CHAF1B: variants seen among roughly 807,000 people sequenced by gnomAD.
CHAF1B encodes CAF-1 subunit B.
CHAF1B carries 10 observed loss-of-function variants against 60.7 expected under a neutral mutation model. The observed-to-expected ratio is 0.16, with a 90% CI of 0.10 to 0.28. The LOEUF (loss-of-function observed/expected upper bound fraction) is 0.28. Among genes scored for constraint, CHAF1B ranks in the 10% least tolerant of loss-of-function variants. The pLI, the probability that CHAF1B is intolerant of heterozygous loss-of-function variation, is 1.00. For synonymous variants in CHAF1B, 261 were observed against 266.1 expected (o/e 0.98, Z 0.19); for missense variants, 558 against 708.4 (o/e 0.79, Z 2.41).
At chr21:36,386,384 A>G in intron 2 of CHAF1B, 122 bp downstream of exon 2, 2 of 1,251,098 alleles carry the variant, frequency 1.6e-6, no homozygotes, top group South Asian at 2.9e-5. Flanking sequence ...GTGCTTTGGG[A>G]GGCTGAGGTG....
At position 36,386,220 on chromosome 21, in the gene CHAF1B, G is replaced by A; in HGVS notation, c.84G>A (p.Arg28=). The change falls in exon 2 of 14, where the codon AGG becomes AGA. Residue 28 remains arginine (R), a synonymous_variant. Coordinates refer to ENST00000314103, the MANE Select transcript of CHAF1B (RefSeq NM_005441.3). The part of the protein sequence containing the change: ...SLDFQHGTAG[R]IHRLASAGVD... ...ACTTCCAGCATGGGACGGCTGGGAG[G>A]ATCCACAGACTGGCGTCTGCCGGCG... The A allele has an allele frequency of 6.2e-7, 1 of 1,614,202 alleles. No individual in the cohort carries two copies. Among genetic ancestry groups the A allele is most frequent in the Admixed American group, 1.7e-5 (1 of 60,022 alleles).
At chr21:36,406,282 A>G (rs890603302) in intron 8 of CHAF1B, among the ~76,000 whole-genome samples, 3 of 152,166 alleles carry the variant, frequency 2.0e-5, no homozygotes, top group African/African-American at 7.2e-5. Flanking sequence ...GAGATTGGAC[A>G]AAGACCTATT....
chr21:36,386,124 G>C lies in CHAF1B; in HGVS notation c.-13G>C. 1.2e-6 allele frequency: 2 copies of C among 1,613,632 alleles called. No homozygotes were observed. The highest frequency in any genetic ancestry group is 2.2e-5 in the South Asian group (2 of 90,992). On this transcript the variant is annotated 5_prime_UTR_variant, in exon 2 of 14. Transcript: ENST00000314103. ...TGCCCGAGAAACGTTTTTCCCCTTC[G>C]AGACTCAGGAGGATGAAAGTCATCA...
At chr21:36,400,026 A>G (rs1441131578) in intron 7 of CHAF1B, among the ~76,000 whole-genome samples, 6 of 151,904 alleles carry the variant, frequency 3.9e-5, no homozygotes, top group Non-Finnish European at 8.8e-5. Context: ...GAATTGCAAA[A>G]ATTAGCCAGC....
chr21:36,396,653 C>CAA (rs144697615), intron 5 of CHAF1B, among the ~76,000 whole-genome samples: 6 of 135,502 alleles, frequency 4.4e-5, no homozygotes, highest in African/African-American at 1.4e-4. Flanking sequence ...CACCCTGTCT[C>CAA]AAAAAAAAAA....
intron 7 of CHAF1B, among the ~76,000 whole-genome samples, chr21:36,399,857 A>G (rs1032437825): frequency 6.6e-6 from 1 of 152,158 alleles, no homozygotes; most frequent in South Asian, 2.1e-4. Context: ...CCCTGGTTGC[A>G]CGGTGGAATC....
intron 12 of CHAF1B, 49 bp downstream of exon 12, chr21:36,413,364 G>A (rs765219296): frequency 1.3e-6 from 2 of 1,500,648 alleles, no homozygotes; most frequent in Non-Finnish European, 1.8e-6. Flanking sequence ...AACACAAAAT[G>A]CAGACAGAAC....
intron 12 of CHAF1B, among the ~76,000 whole-genome samples, chr21:36,414,128 C>G (rs1331224468): frequency 2.6e-5 from 4 of 152,232 alleles, no homozygotes; most frequent in Non-Finnish European, 5.9e-5. Flanking sequence ...CTTCTGCCGT[C>G]AGGCAGCACA....
At chr21:36,411,665 AC>A (rs1644727083) in intron 11 of CHAF1B, 61 bp downstream of exon 11, 2 of 1,583,426 alleles carry the variant, frequency 1.3e-6, no homozygotes, top group Admixed American at 1.7e-5. Context: ...CCTGGAAGAC[AC>A]CCCGGGGTTA....
At chr21:36,393,746 G>A (rs563433907) in intron 4 of CHAF1B, among the ~76,000 whole-genome samples, 3 of 151,826 alleles carry the variant, frequency 2.0e-5, no homozygotes, top group East Asian at 1.9e-4. Flanking sequence ...GAGCCACTGC[G>A]ACCGGTCAGA....
intron 4 of CHAF1B, among the ~76,000 whole-genome samples, chr21:36,393,812 A>G (rs1425021663): frequency 6.6e-6 from 1 of 152,132 alleles, no homozygotes; most frequent in African/African-American, 2.4e-5. Context: ...GTGCCAGTGG[A>G]AATTTTGGAA....
chr21:36,387,820 CTTTTTT>C, intron 3 of CHAF1B, 90 bp downstream of exon 3: 2 of 1,124,710 alleles, frequency 1.8e-6, no homozygotes, highest in Non-Finnish European at 1.2e-6. Flanking sequence ...GCTGGATATG[CTTTTTT>C]TTTTTTTTTG....
At chr21:36,408,884 C>T (rs528044901) in intron 9 of CHAF1B, 54 bp downstream of exon 9, 9 of 1,320,056 alleles carry the variant, frequency 6.8e-6, no homozygotes, top group Admixed American at 1.7e-5. Context: ...GACGGAGTTT[C>T]GCTCTTGTTG....
Position 36,391,589 on chromosome 21 carries a change from G to C in CHAF1B, c.298G>C (p.Glu100Gln). The C allele has an allele frequency of 1.2e-6, 2 of 1,613,614 alleles. No individual in the cohort carries two copies. Among genetic ancestry groups the C allele is most frequent in the Non-Finnish European group, 1.7e-6 (2 of 1,179,682 alleles). The change falls in exon 4 of 14, where the codon GAG becomes CAG. Residue 100 changes from glutamate to glutamine, a missense_variant. Coordinates refer to ENST00000314103, the MANE Select transcript of CHAF1B (RefSeq NM_005441.3). ...ATTGTGGAAGGTGAATGATAACAAG[G>C]AGCCGGAGCAGATCGCTTTTCAGGA... ...ILLWKVNDNK[E>Q]PEQIAFQDED...
rs145088637 is a variant in CHAF1B, at chr21:36,415,515, C to T, written c.1588+126C>T. 1.6e-3 allele frequency: 1,122 copies of T among 716,398 alleles called. 8 individuals carry two copies. Among genetic ancestry groups the T allele is most frequent in the Middle Eastern group, 8.7e-3 (33 of 3,776 alleles). 44.4% of individuals were successfully genotyped at this position (716,398 alleles called of 1,614,324 possible). A position where few individuals can be genotyped will look rare whatever the true frequency, so the allele number is the denominator to read the frequency against. ...ACAGCAGGGATGCATCTTATTGGAA[C>T]CATTGTTTAAACCCGCCGGCTGCCT... On this transcript the variant is annotated intron_variant, in intron 13 of 13. Transcript: ENST00000314103.
intron 3 of CHAF1B, among the ~76,000 whole-genome samples, chr21:36,389,475 G>A (rs990398507): frequency 2.0e-5 from 3 of 151,736 alleles, no homozygotes; most frequent in Non-Finnish European, 2.9e-5. Context: ...GCATGGTGGT[G>A]CGCTCCTATA....
Position 36,417,330 on chromosome 21 carries a change from T to A in CHAF1B, c.*964T>A, listed in dbSNP as rs7280190. 0.27 allele frequency: 40,242 copies of A among 149,050 alleles called. 8,083 individuals are homozygous for A. The highest frequency in any genetic ancestry group is 0.57 in the African/African-American group (23,072 of 40,538). The allele number at this position is 149,050 out of a possible 1,614,324, so 9.2% of individuals were successfully genotyped here. Reference sequence around the variant, plus strand: ...CACAAGTATGTGTGTATATATATATTTTTTTTCTTTTTTTTTTGAGATGGA... The same window carrying A: ...CACAAGTATGTGTGTATATATATATATTTTTTCTTTTTTTTTTGAGATGGA... On this transcript the variant is annotated 3_prime_UTR_variant, in exon 14 of 14. Transcript: ENST00000314103.
At position 36,413,279 on chromosome 21, in the gene CHAF1B, T is replaced by C. The variant is rs1248845922; in HGVS notation, c.1457T>C (p.Leu486Pro). 2 of 1,607,216 alleles carry C rather than the reference T, an allele frequency of 1.2e-6. No individual in the cohort carries two copies. The highest frequency in any genetic ancestry group is 3.4e-5 in the Admixed American group (2 of 58,464). Residue 486 changes from leucine (L) to proline (P), a missense_variant, in exon 12 of 14, where the codon CTG becomes CCG. Transcript: ENST00000314103. ...GCCCACCCATCCCGGAGGGTCACTC[T>C]GAACACACTGCAAGCCTGGAGCAAG... is the stretch of plus-strand genomic sequence containing the variant. ...TKAHPSRRVT[L>P]NTLQAWSKTT... is the part of the protein sequence containing the mutation.
chr21:36,405,673 C>T (rs973156682), intron 8 of CHAF1B, among the ~76,000 whole-genome samples: 1 of 152,016 alleles, frequency 6.6e-6, no homozygotes, highest in Non-Finnish European at 1.5e-5. Context: ...TCAAGCACCC[C>T]TTCCGCCTCG....
Sources: allele counts gnomAD v4.1 joint callset (sites outside exome capture counted in the v4.1 genomes callset), GRCh38; gene constraint gnomAD v4.1.1; transcripts MANE v1.5; gene names NCBI Gene and HGNC (gene_info 2026-07-23, HGNC 2026-07-21).